NDRG1: variants seen among roughly 807,000 people sequenced by gnomAD.
NDRG1 encodes the protein protein NDRG1.
NDRG1 carries 32 observed loss-of-function variants against 56.9 expected under a neutral mutation model. The ratio of observed to expected loss-of-function variants is 0.56; its 90% CI spans 0.42 to 0.76. NDRG1 has a LOEUF of 0.76. Among genes scored for constraint, NDRG1 ranks in the 30% least tolerant of loss-of-function variants. NDRG1 has a pLI of 0.00. For synonymous variants in NDRG1, 211 were observed against 204.1 expected (o/e 1.03, Z -0.29); for missense variants, 507 against 545.7 (o/e 0.93, Z 0.71).
chr8:133,239,430 T>G, intron 15 of NDRG1: 6 of 537,860 alleles, frequency 1.1e-5, no homozygotes, highest in East Asian at 3.3e-5. Flanking sequence ...AGCCTCCCTG[T>G]TCCCATCTGT....
rs551852206 is a variant in NDRG1 at position 133,284,274 on chromosome 8, A to G, written c.38T>C (p.Val13Ala). Residue 13 changes from valine (V) to alanine (A), a missense_variant, in exon 2 of 16, where the codon GTG (valine) becomes GCG (alanine). Transcript: ENST00000323851. ...CTCCCCTTTCTCCACCAAAGGCTTC[A>G]CCTCAGCGAGGTCTACATCCTGCAT... ...REMQDVDLAE[V>A]KPLVEKGETI... 3.1e-6 allele frequency: 5 copies of G among 1,614,028 alleles called. No homozygotes were observed. The African/African-American group carries it at 6.7e-5, about 22-fold the overall frequency.
intron 12 of NDRG1, 106 bp from the exon 13 acceptor site, chr8:133,246,769 C>T: frequency 9.5e-7 from 1 of 1,056,580 alleles, no homozygotes; most frequent in East Asian, 2.4e-5. Flanking sequence ...TCCAGTATTT[C>T]TGCTGGCAAA....
In NDRG1 at chr8:133,237,315, AG is replaced by A. The variant is rs1391321356; in HGVS notation, c.*1562del. 4.3e-6 allele frequency: 1 copy of A among 231,910 alleles called. No individual in the cohort carries two copies. The highest frequency in any genetic ancestry group is 8.5e-6 in the Non-Finnish European group (1 of 117,304). 14.4% of individuals were successfully genotyped at this position (231,910 alleles called of 1,614,324 possible). ...ATCCCCGACTTTTCTACTCAAGGCCAGGGAAGGCCTCCAAGGTGATGGGCGG... is the reference window on the plus strand; with the variant it reads ...ATCCCCGACTTTTCTACTCAAGGCCAGGAAGGCCTCCAAGGTGATGGGCGG... On this transcript the variant is annotated 3_prime_UTR_variant, in exon 16 of 16. Transcript: ENST00000323851.
intron 3 of NDRG1, among the ~76,000 whole-genome samples, chr8:133,275,756 G>GGTCCCGAGGTTAGGGAATGT (rs1336491854): frequency 2.0e-5 from 3 of 152,170 alleles, no homozygotes; most frequent in Non-Finnish European, 4.4e-5. Context: ...AATGGCTTGA[G>GGTCCCGAGGTTAGGGAATGT]GTCCCCTTTC....
At chr8:133,272,801 G>A (rs1244778538) in intron 3 of NDRG1, among the ~76,000 whole-genome samples, 4 of 152,212 alleles carry the variant, frequency 2.6e-5, no homozygotes, top group East Asian at 3.9e-4. Flanking sequence ...GGGGGAGGGC[G>A]AGAATGGGAA....
rs1260200791 is a variant in NDRG1, at chr8:133,258,551, G to T, written c.390-125C>A. The T allele has an allele frequency of 4.3e-5, 38 of 887,234 alleles. No individual in the cohort carries two copies. The East Asian group carries it at 8.5e-4, about 20-fold the overall frequency. The allele number at this position is 887,234 out of a possible 1,614,324, so 55.0% of individuals were successfully genotyped here. A position where few individuals can be genotyped will look rare whatever the true frequency, so the allele number is the denominator to read the frequency against. On this transcript the variant is annotated intron_variant, in intron 6 of 15. Coordinates refer to ENST00000323851, the MANE Select transcript of NDRG1 (RefSeq NM_006096.4). The stretch of plus-strand genomic sequence containing the variant: ...AATGCGGGAGCATGCTGCCGTAACT[G>T]CCTGCACAGCTCTGAGGTCACCATG...
At chr8:133,252,283 C>T (rs564427656) in intron 9 of NDRG1, among the ~76,000 whole-genome samples, 6 of 152,220 alleles carry the variant, frequency 3.9e-5, no homozygotes, top group South Asian at 2.1e-4. Flanking sequence ...TCAGTAGAGA[C>T]GGGGTTTCAC....
chr8:133,292,263 C>T (rs1245960543), intron 1 of NDRG1, among the ~76,000 whole-genome samples: 2 of 152,160 alleles, frequency 1.3e-5, no homozygotes, highest in Non-Finnish European at 2.9e-5. Context: ...TCATACAGAA[C>T]CCTTTGTCCC....
chr8:133,284,866 C>T (rs1858018471), intron 1 of NDRG1: 1 of 456,458 alleles, frequency 2.2e-6, no homozygotes, highest in Admixed American at 2.3e-5. Context: ...CACACATACA[C>T]ACCCCACGGT....
In NDRG1 at chr8:133,238,907, C is replaced by T. The variant is rs768918074; in HGVS notation, c.1156G>A (p.Gly386Arg). The T allele has an allele frequency of 3.1e-5, 49 of 1,558,072 alleles. No homozygotes were observed. The highest frequency in any genetic ancestry group is 5.4e-5 in the African/African-American group (4 of 73,818). The change falls in exon 16 of 16, where the codon GGG becomes AGG. Residue 386 changes from glycine to arginine, a missense_variant. Physicochemically the swap from Gly to Arg is moderately radical, Grantham distance 125. Coordinates refer to ENST00000323851, the MANE Select transcript of NDRG1 (RefSeq NM_006096.4). ...CAGGAGACCTCCATGGACTTGGGCCCGGCGCTGTTCCCAGCAGCACCCGAG... is the reference window on the plus strand; with the variant it reads ...CAGGAGACCTCCATGGACTTGGGCCTGGCGCTGTTCCCAGCAGCACCCGAG... ...PNSGAAGNSA[G>R]PKSMEVSC
intron 13 of NDRG1, among the ~76,000 whole-genome samples, chr8:133,246,215 C>T (rs1855670120): frequency 6.6e-6 from 1 of 152,238 alleles, no homozygotes; most frequent in Non-Finnish European, 1.5e-5. Context: ...TGAGCTGGCT[C>T]ACCATGTGCT....
chr8:133,285,167 C>A (rs1664084611), intron 1 of NDRG1, among the ~76,000 whole-genome samples: 1 of 152,104 alleles, frequency 6.6e-6, no homozygotes, highest in Non-Finnish European at 1.5e-5. Flanking sequence ...GTGGTGCTAT[C>A]TATTAAGCAT....
intron 1 of NDRG1, among the ~76,000 whole-genome samples, chr8:133,295,354 C>T (rs565753438): frequency 4.5e-4 from 69 of 152,336 alleles, no homozygotes; most frequent in Middle Eastern, 3.4e-3. Context: ...GTGGGAGACA[C>T]GGTCCCACAA....
chr8:133,248,916 T>A, intron 10 of NDRG1, 145 bp from the exon 11 acceptor site: 1 of 822,114 alleles, frequency 1.2e-6, no homozygotes, highest in Non-Finnish European at 2.0e-6. Context: ...CCCTGTGGCT[T>A]TCAGGACTCC....
At chr8:133,249,526 G>C (rs913785717) in intron 10 of NDRG1, 1 of 153,550 alleles carries the variant, frequency 6.5e-6, no homozygotes, top group Non-Finnish European at 1.4e-5. Context: ...GGGATTTGGA[G>C]AGGGGTCAGT....
chr8:133,245,275 C>T lies in NDRG1; in HGVS notation c.856-885G>A, dbSNP rs143759732. On this transcript the variant is annotated intron_variant, in intron 13 of 15. Coordinates refer to ENST00000323851, the MANE Select transcript of NDRG1 (RefSeq NM_006096.4). ...TCTGGATCTACCATCAAATCGGCCA[C>T]CCCACCTCAGTCAGGCCACCTACCC... Among the ~76,000 whole-genome samples, 955 of 152,266 alleles carry T rather than the reference C, an allele frequency of 6.3e-3. 10 individuals are homozygous for T. The highest frequency in any genetic ancestry group is 0.022 in the African/African-American group (898 of 41,550).
intron 1 of NDRG1, chr8:133,284,871 C>T (rs1173094973): frequency 2.2e-6 from 1 of 456,476 alleles, no homozygotes; most frequent in Admixed American, 2.3e-5. Flanking sequence ...ATACACACCC[C>T]ACGGTGCAGG....
At chr8:133,274,040 G>A (rs1283391868) in intron 3 of NDRG1, among the ~76,000 whole-genome samples, 1 of 152,034 alleles carries the variant, frequency 6.6e-6, no homozygotes, top group Non-Finnish European at 1.5e-5. Context: ...TGCCCTGAGG[G>A]TTCTGGAATC....
In NDRG1 at chr8:133,239,134, G is replaced by C. The variant is rs1441790598; in HGVS notation, c.944-15C>G. The C allele has an allele frequency of 6.4e-7, 1 of 1,552,108 alleles. No individual in the cohort carries two copies. Among genetic ancestry groups the C allele is most frequent in the East Asian group, 2.4e-5 (1 of 41,128 alleles). On this transcript the variant is annotated splice_polypyrimidine_tract_variant and intron_variant, in intron 15 of 15. Coordinates refer to ENST00000323851, the MANE Select transcript of NDRG1 (RefSeq NM_006096.4). ...AGCCGAGGGCACTAGGGGAACAAGA[G>C]ACAGCCGGTTAGAGGGCAGGAGACT...
Sources: allele counts gnomAD v4.1 joint callset (sites outside exome capture counted in the v4.1 genomes callset), GRCh38; gene constraint gnomAD v4.1.1; transcripts MANE v1.5; gene names NCBI Gene and HGNC (gene_info 2026-07-23, HGNC 2026-07-21).